The following SNX24 variants were observed in gnomAD, a reference collection of about 807,000 sequenced individuals.
The protein encoded by SNX24 is sorting nexin 24.
SNX24 carries 22 observed loss-of-function variants against 28.7 expected under a neutral mutation model. That is an observed-to-expected ratio of 0.77 (90% confidence interval 0.55 to 1.10). The LOEUF (loss-of-function observed/expected upper bound fraction) is 1.10, where lower values mean the gene tolerates loss of function less well. Ranked by LOEUF, SNX24 falls within the 50% of genes least tolerant of loss-of-function variation. The pLI is 0.00. For synonymous variants in SNX24, 69 were observed against 71.5 expected (o/e 0.96, Z 0.18); for missense variants, 221 against 201.1 (o/e 1.10, Z -0.60).
At chr5:122,882,316 T>TTC (rs1756516274) in intron 1 of SNX24, among the ~76,000 whole-genome samples, 1 of 152,242 alleles carries the variant, frequency 6.6e-6, no homozygotes, top group Admixed American at 6.5e-5. Context: ...ATGCCTCTAC[T>TTC]CCTTCCCACA....
chr5:122,887,581 A>G (rs1394369221), intron 1 of SNX24, among the ~76,000 whole-genome samples: 1 of 152,076 alleles, frequency 6.6e-6, no homozygotes, highest in Non-Finnish European at 1.5e-5. Flanking sequence ...CATATTTTTT[A>G]TGCCCTTATC....
At chr5:122,866,859 C>G (rs993856985) in intron 1 of SNX24, among the ~76,000 whole-genome samples, 5 of 152,208 alleles carry the variant, frequency 3.3e-5, no homozygotes, top group African/African-American at 1.2e-4. Flanking sequence ...TTCATTTCAT[C>G]AGAATCATTG....
chr5:122,903,102 CGTTTTTTTGTTT>C (rs1264338394), intron 1 of SNX24, among the ~76,000 whole-genome samples: 2 of 151,774 alleles, frequency 1.3e-5, no homozygotes, highest in African/African-American at 4.8e-5. Flanking sequence ...CTCCTTTGTA[CGTTTTTTTGTTT>C]GTTTTTTTTT....
intron 1 of SNX24, among the ~76,000 whole-genome samples, chr5:122,861,131 G>A (rs927263629): frequency 6.6e-6 from 1 of 151,970 alleles, no homozygotes; most frequent in Non-Finnish European, 1.5e-5. Flanking sequence ...CTTGAGGTCA[G>A]GAGTTTGAGA....
At chr5:123,014,083 AGAGAAGTGAAATAGCTT>A (rs1332654869), downstream of SNX24, among the ~76,000 whole-genome samples, 24 of 152,208 alleles carry the variant, frequency 1.6e-4, no homozygotes, top group Non-Finnish European at 3.5e-4. Context: ...AAGGAAGCTT[AGAGAAGTGAAATAGCTT>A]GACCAAGGAT....
chr5:122,923,412 T>A (rs1287196305), intron 1 of SNX24, among the ~76,000 whole-genome samples: 3 of 152,168 alleles, frequency 2.0e-5, no homozygotes, highest in Non-Finnish European at 4.4e-5. Flanking sequence ...CTGAGTATTC[T>A]GTGATCTTTA....
chr5:122,967,741 G>A (rs1760772155), intron 3 of SNX24, among the ~76,000 whole-genome samples: 1 of 152,166 alleles, frequency 6.6e-6, no homozygotes, highest in South Asian at 2.1e-4. Flanking sequence ...CTGATAGGTG[G>A]ACTTATGAGT....
At chr5:122,965,277 A>C (rs1217282447) in intron 3 of SNX24, among the ~76,000 whole-genome samples, 2 of 152,126 alleles carry the variant, frequency 1.3e-5, no homozygotes, top group African/African-American at 2.4e-5. Flanking sequence ...TCTCACACAG[A>C]CTCTCAGCAG....
At chr5:122,959,949 C>CTTTG (rs1343904820) in intron 3 of SNX24, among the ~76,000 whole-genome samples, 1 of 152,108 alleles carries the variant, frequency 6.6e-6, no homozygotes, top group Non-Finnish European at 1.5e-5. Context: ...CTGTGTCTGC[C>CTTTG]TTTGACCCTT....
chr5:122,872,481 C>T (rs2150052836), intron 1 of SNX24, among the ~76,000 whole-genome samples: 1 of 152,058 alleles, frequency 6.6e-6, no homozygotes, highest in Non-Finnish European at 1.5e-5. Context: ...ACGGCCATCC[C>T]TCAGTATCCG....
At chr5:122,999,605 G>A (rs368899373) in intron 3 of SNX24, among the ~76,000 whole-genome samples, 5 of 152,224 alleles carry the variant, frequency 3.3e-5, no homozygotes, top group African/African-American at 1.2e-4. Context: ...CTCCATGAAG[G>A]CAAGAACCAT....
chr5:122,964,981 G>T (rs1760658732), intron 3 of SNX24, among the ~76,000 whole-genome samples: 1 of 152,074 alleles, frequency 6.6e-6, no homozygotes, highest in Non-Finnish European at 1.5e-5. Flanking sequence ...CTTGTGTTTG[G>T]TTGGAGGTGT....
chr5:123,016,055 T>G (rs1762673545), intron 5 of SNX24, among the ~76,000 whole-genome samples: 1 of 152,230 alleles, frequency 6.6e-6, no homozygotes, highest in Non-Finnish European at 1.5e-5. Context: ...GCAGGCAACA[T>G]GGTGTTTTTC....
chr5:122,925,968 A>G (rs1044356882), intron 1 of SNX24, among the ~76,000 whole-genome samples: 1 of 152,136 alleles, frequency 6.6e-6, no homozygotes, highest in Admixed American at 6.5e-5. Flanking sequence ...CCAACCAACA[A>G]GCAAACATTG....
chr5:122,906,497 T>A (rs1757651066), intron 1 of SNX24, among the ~76,000 whole-genome samples: 1 of 152,212 alleles, frequency 6.6e-6, no homozygotes, highest in Admixed American at 6.5e-5. Context: ...CTTTAGGGTT[T>A]ATGTACTGTT....
intron 1 of SNX24, among the ~76,000 whole-genome samples, chr5:122,889,741 G>A (rs964122884): frequency 2.1e-5 from 3 of 146,100 alleles, no homozygotes; most frequent in Non-Finnish European, 4.5e-5. Flanking sequence ...ATATATATAT[G>A]TGTATATATA....
Position 122,946,135 on chromosome 5 carries a change from A to G in SNX24, c.225A>G (p.Arg75=), listed in dbSNP as rs769519452. ...NWVPKVLEQR[R]QGLETYLQAV... is the part of the protein sequence containing the mutation. The stretch of plus-strand genomic sequence containing the variant: ...TCCCCAAAGTCTTGGAACAGCGACG[A>G]CAAGGCTTGGAAACATACTTACAGG... Residue 75 remains arginine (R), a synonymous_variant, in exon 3 of 7, where the codon CGA becomes CGG. Transcript: ENST00000261369. 13 of 1,607,384 alleles carry G rather than the reference A, an allele frequency of 8.1e-6. No individual in the cohort carries two copies. The African/African-American group carries it at 1.2e-4, about 15-fold the overall frequency.
At chr5:122,977,759 T>G (rs1406099508) in intron 3 of SNX24, among the ~76,000 whole-genome samples, 1 of 152,110 alleles carries the variant, frequency 6.6e-6, no homozygotes, top group African/African-American at 2.4e-5. Flanking sequence ...AACATCAGAG[T>G]AGAGGAATTA....
At chr5:122,896,798 C>T (rs1757222531) in intron 1 of SNX24, among the ~76,000 whole-genome samples, 2 of 152,322 alleles carry the variant, frequency 1.3e-5, no homozygotes, top group Admixed American at 6.5e-5. Context: ...CTAACTCCTC[C>T]CAACTACTAC....
Sources: gnomAD v4.1 joint callset for allele counts (sites outside exome capture counted in the v4.1 genomes callset) on GRCh38, gnomAD v4.1.1 for gene constraint, MANE v1.5 for transcripts, NCBI Gene and HGNC (gene_info 2026-07-23, HGNC 2026-07-21) for gene names.